Variants in SCNN1B observed in about 807,000 individuals in gnomAD.
SCNN1B encodes epithelial sodium channel subunit beta.
In SCNN1B, 46 loss-of-function variants were observed where a neutral mutation model predicts 65.3. The ratio of observed to expected loss-of-function variants is 0.70; its 90% confidence interval spans 0.56 to 0.90. The LOEUF is 0.90. SCNN1B is among the 40% of genes least tolerant of loss of function. SCNN1B has a pLI of 0.00. For missense variants in SCNN1B, 751 were observed against 830.5 expected (o/e 0.90, Z 1.18); for synonymous variants, 349 against 330.6 (o/e 1.06, Z -0.60).
At chr16:23,309,855 A>G (rs890335025) in intron 1 of SCNN1B, among the ~76,000 whole-genome samples, 5 of 152,160 alleles carry the variant, frequency 3.3e-5, no homozygotes, top group African/African-American at 1.2e-4. Context: ...GCCACCTTAT[A>G]AAGAGCCTGT....
At chr16:23,304,682 AGT>A (rs1961157591) in intron 1 of SCNN1B, among the ~76,000 whole-genome samples, 1 of 152,088 alleles carries the variant, frequency 6.6e-6, no homozygotes, top group East Asian at 1.9e-4. Flanking sequence ...GCCTAAAGAG[AGT>A]GTGTTTGCTA....
chr16:23,348,834 G>C lies in SCNN1B; in HGVS notation c.235G>C (p.Val79Leu). 1.2e-6 allele frequency: 2 copies of C among 1,614,146 alleles called. No homozygotes were observed. The highest frequency in any genetic ancestry group is 1.7e-6 in the Non-Finnish European group (2 of 1,180,038). ...IFIRTYLSWE[V>L]SVSLSVGFKT... is the part of the protein sequence containing the mutation. ...CATCAGGACCTACTTGAGCTGGGAG[G>C]TCAGCGTCTCCCTCTCCGTAGGCTT... The change falls in exon 2 of 13, where the codon GTC becomes CTC. Residue 79 changes from valine to leucine, a missense_variant. Val to Leu is a conservative substitution (Grantham distance 32). Coordinates refer to ENST00000343070, the MANE Select transcript of SCNN1B (RefSeq NM_000336.3). The surrounding 1 kb of genome is among the most constrained non-coding windows in gnomAD (Gnocchi z 4.5).
chr16:23,323,710 T>G (rs1596835758), intron 1 of SCNN1B: 4 of 656,022 alleles, frequency 6.1e-6, no homozygotes, highest in Non-Finnish European at 8.2e-6. Flanking sequence ...GGGACCAGGT[T>G]GCAAGGTGTC....
chr16:23,282,676 C>T (rs57132610), intron 1 of SCNN1B, among the ~76,000 whole-genome samples: 6,712 of 152,208 alleles, frequency 0.044, 492 homozygotes, highest in African/African-American at 0.15. Context: ...TAAGACACAC[C>T]CACTAGTGTG....
In SCNN1B at chr16:23,348,024, G is replaced by C. The variant is rs892298101; in HGVS notation, c.-8-568G>C. 6.6e-6 allele frequency among the ~76,000 whole-genome samples: 1 copy of C among 152,184 alleles called. No homozygotes were observed. The highest frequency in any genetic ancestry group is 1.5e-5 in the Non-Finnish European group (1 of 68,038). On this transcript the variant is annotated intron_variant, in intron 1 of 12. Coordinates refer to ENST00000343070, the MANE Select transcript of SCNN1B (RefSeq NM_000336.3). The surrounding 1 kb of genome is among the most constrained non-coding windows in gnomAD (Gnocchi z 4.5). ...TATCTCTGCAGCTGAGGCCACAGGC[G>C]GGAACCCACCCTACACAGGACACAT...
chr16:23,279,097 G>T (rs1389548482), intron 1 of SCNN1B, among the ~76,000 whole-genome samples: 1 of 144,196 alleles, frequency 6.9e-6, no homozygotes, highest in Non-Finnish European at 1.5e-5. Flanking sequence ...GTGTGTGTGT[G>T]ATGGGGGCTG....
At chr16:23,286,897 C>A (rs1321705300) in intron 2 of SCNN1B, among the ~76,000 whole-genome samples, 1 of 152,050 alleles carries the variant, frequency 6.6e-6, no homozygotes, top group Non-Finnish European at 1.5e-5. Context: ...TCAAGACCAG[C>A]CCTGGCAACA....
intron 2 of SCNN1B, among the ~76,000 whole-genome samples, chr16:23,351,002 A>G (rs1229251963): frequency 6.6e-6 from 1 of 152,228 alleles, no homozygotes; most frequent in African/African-American, 2.4e-5. Flanking sequence ...GCATGTTGGG[A>G]GGCCGAGGCT....
chr16:23,304,061 T>C (rs1015716021), intron 1 of SCNN1B: 2 of 1,535,848 alleles, frequency 1.3e-6, no homozygotes, highest in Admixed American at 2.0e-5. Flanking sequence ...CCGCCGTGGA[T>C]AATGCCTACC....
chr16:23,355,802 G>C (rs1962408665), intron 4 of SCNN1B, among the ~76,000 whole-genome samples: 1 of 152,056 alleles, frequency 6.6e-6, no homozygotes, highest in Non-Finnish European at 1.5e-5. Flanking sequence ...AAAAGGAAAG[G>C]CTGGGCGTGG....
intron 1 of SCNN1B, among the ~76,000 whole-genome samples, chr16:23,316,882 G>A (rs1272389604): frequency 3.9e-5 from 5 of 127,404 alleles, no homozygotes; most frequent in African/African-American, 1.2e-4. Flanking sequence ...TCAGCATCAT[G>A]ACCACCATCA....
Position 23,352,813 on chromosome 16 carries a change from C to G in SCNN1B, c.324C>G (p.Ile108Met). 6.2e-7 allele frequency: 1 copy of G among 1,614,122 alleles called. No individual in the cohort carries two copies. The highest frequency in any genetic ancestry group is 1.3e-5 in the African/African-American group (1 of 75,022). Residue 108 changes from isoleucine (I) to methionine (M), a missense_variant, in exon 3 of 13, where the codon ATC becomes ATG. By Grantham distance (10) the Ile-to-Met change is conservative (BLOSUM62 1). Transcript: ENST00000343070. ...CNASPFKYSK[I>M]KHLLKDLDEL... is the part of the protein sequence containing the mutation. ...TCTCCCCATCCAGGTATTCCAAAAT[C>G]AAGCATTTGCTGAAGGACCTGGATG...
intron 1 of SCNN1B, among the ~76,000 whole-genome samples, chr16:23,343,656 A>AAAGAAAGGAAGG (rs1555487090): frequency 1.7e-5 from 2 of 115,910 alleles, no homozygotes; most frequent in Non-Finnish European, 3.6e-5. Context: ...AGAAAAAAAG[A>AAAGAAAGGAAGG]AAGGAAGGAA....
At chr16:23,278,995 T>G (rs1960745054) in intron 1 of SCNN1B, among the ~76,000 whole-genome samples, 1 of 149,582 alleles carries the variant, frequency 6.7e-6, no homozygotes, top group Non-Finnish European at 1.5e-5. Flanking sequence ...GAATCTCACC[T>G]TAATAAAAAA....
chr16:23,358,216 G>C (rs1301671895), intron 4 of SCNN1B: 5 of 152,248 alleles, frequency 3.3e-5, no homozygotes, highest in Non-Finnish European at 7.3e-5. Flanking sequence ...TGAGGGTGAG[G>C]GACGGGTGGT....
intron 2 of SCNN1B, among the ~76,000 whole-genome samples, chr16:23,286,753 G>T (rs1045212967): frequency 6.6e-6 from 1 of 152,094 alleles, no homozygotes; most frequent in East Asian, 1.9e-4. Flanking sequence ...GAGAGAGAAC[G>T]GGAAGGGAAG....
At chr16:23,291,695 G>A (rs1960927443) in intron 2 of SCNN1B, among the ~76,000 whole-genome samples, 2 of 150,500 alleles carry the variant, frequency 1.3e-5, no homozygotes, top group African/African-American at 4.9e-5. Flanking sequence ...TTGCCTCAGT[G>A]TTTCAAGTAC....
At chr16:23,317,528 G>A (rs970715594) in intron 1 of SCNN1B, among the ~76,000 whole-genome samples, 50 of 152,266 alleles carry the variant, frequency 3.3e-4, no homozygotes, top group African/African-American at 8.7e-4. Context: ...GAACAGGGTC[G>A]AGAGTTCAGA....
intron 1 of SCNN1B, among the ~76,000 whole-genome samples, chr16:23,337,733 C>G (rs1961973928): frequency 1.3e-5 from 2 of 151,854 alleles, no homozygotes; most frequent in Non-Finnish European, 2.9e-5. Context: ...CAGAGATCAG[C>G]AAACTTCTTT....
Sources: gnomAD v4.1 joint callset for allele counts (sites outside exome capture counted in the v4.1 genomes callset) on GRCh38, gnomAD v4.1.1 for gene constraint, Gnocchi (gnomAD v3.1) non-coding constraint, MANE v1.5 for transcripts, NCBI Gene and HGNC (gene_info 2026-07-23, HGNC 2026-07-21) for gene names.